The following LRRTM4 variants were observed in gnomAD, a reference collection of about 807,000 sequenced individuals.
The protein encoded by LRRTM4 is leucine-rich repeat transmembrane neuronal protein 4.
LRRTM4 carries 25 observed loss-of-function variants against 47.6 expected under a neutral mutation model. That is an observed-to-expected ratio of 0.53 (90% CI 0.38 to 0.73). LRRTM4 has a LOEUF of 0.73. Among genes scored for constraint, LRRTM4 ranks in the 30% least tolerant of loss-of-function variants. LRRTM4 has a pLI of 0.00. For missense variants in LRRTM4, 638 were observed against 713.4 expected (o/e 0.89, Z 1.20); for synonymous variants, 311 against 269.5 (o/e 1.15, Z -1.51).
intron 3 of LRRTM4, among the ~76,000 whole-genome samples, chr2:76,884,320 A>G (rs562681557): frequency 1.4e-4 from 22 of 152,322 alleles, no homozygotes; most frequent in African/African-American, 5.1e-4. Flanking sequence ...ATTAATAGAA[A>G]TGGGCAGGGA....
intron 3 of LRRTM4, among the ~76,000 whole-genome samples, chr2:77,364,956 T>C (rs1198039148): frequency 6.6e-6 from 1 of 152,052 alleles, no homozygotes; most frequent in African/African-American, 2.4e-5. Context: ...AAAACAAACA[T>C]TGATCCTACC....
chr2:76,769,301 C>T (rs1307595260), intron 3 of LRRTM4, among the ~76,000 whole-genome samples: 2 of 152,084 alleles, frequency 1.3e-5, no homozygotes, highest in East Asian at 3.9e-4. Flanking sequence ...CCACTATGTT[C>T]TTATTCCCAA....
chr2:77,103,839 T>G (rs932620689), intron 3 of LRRTM4, among the ~76,000 whole-genome samples: 4 of 151,908 alleles, frequency 2.6e-5, no homozygotes, highest in African/African-American at 9.7e-5. Context: ...TGCAGGAAAC[T>G]CAATTAACTC....
In LRRTM4 at chr2:77,292,844, TAATAATAATAAAATTAAA is replaced by T. The variant is rs568623575; in HGVS notation, c.1551+225456_1551+225473del. Reference sequence around the variant, plus strand: ...CACATGTACCCTAAAACTTAAAGTATAATAATAATAAAATTAAAAATAAAATAAAATAAAAAATAAATA... The same window carrying T: ...CACATGTACCCTAAAACTTAAAGTATAATAAAATAAAATAAAAAATAAATA... On this transcript the variant is annotated intron_variant, in intron 3 of 3. Coordinates refer to ENST00000409884, the MANE Select transcript of LRRTM4 (RefSeq NM_001134745.3). Among the ~76,000 whole-genome samples, 926 of 151,346 alleles carry T rather than the reference TAATAATAATAAAATTAAA, an allele frequency of 6.1e-3. 11 individuals carry two copies. The highest frequency in any genetic ancestry group is 0.02 in the African/African-American group (842 of 41,322).
At chr2:77,028,960 G>A (rs570212389) in intron 3 of LRRTM4, among the ~76,000 whole-genome samples, 215 of 150,662 alleles carry the variant, frequency 1.4e-3, no homozygotes, top group Middle Eastern at 3.5e-3. Flanking sequence ...GTGTGAACCC[G>A]GGAGGCGGAG....
chr2:76,843,600 CTA>C (rs1558688532), intron 3 of LRRTM4, among the ~76,000 whole-genome samples: 8 of 152,112 alleles, frequency 5.3e-5, no homozygotes, highest in East Asian at 1.9e-4. Flanking sequence ...AATAGTGTGA[CTA>C]TGTTAATAAA....
At chr2:77,078,356 T>A (rs1180242884) in intron 3 of LRRTM4, among the ~76,000 whole-genome samples, 1 of 142,866 alleles carries the variant, frequency 7.0e-6, no homozygotes, top group East Asian at 2.2e-4. Context: ...TTGAAAAAAA[T>A]ATGTTTGTCT....
intron 3 of LRRTM4, among the ~76,000 whole-genome samples, chr2:76,761,524 TG>T (rs1197483073): frequency 6.6e-6 from 1 of 152,214 alleles, no homozygotes; most frequent in Non-Finnish European, 1.5e-5. Context: ...TACCTTGCAG[TG>T]ATGGCAAAGT....
At chr2:77,345,484 AC>A (rs1671528471) in intron 3 of LRRTM4, among the ~76,000 whole-genome samples, 1 of 152,052 alleles carries the variant, frequency 6.6e-6, no homozygotes, top group Non-Finnish European at 1.5e-5. Context: ...GAAAAAATAG[AC>A]AAAATATTAG....
At chr2:77,179,770 C>T (rs373378900) in intron 3 of LRRTM4, among the ~76,000 whole-genome samples, 2 of 152,062 alleles carry the variant, frequency 1.3e-5, no homozygotes, top group African/African-American at 4.8e-5. Context: ...ACCTTACATC[C>T]AGGATGCAGG....
chr2:77,458,956 T>C (rs887704463), intron 3 of LRRTM4, among the ~76,000 whole-genome samples: 8 of 151,996 alleles, frequency 5.3e-5, no homozygotes, highest in Non-Finnish European at 1.0e-4. Context: ...TCATGCCCTT[T>C]GTTTCTTTCT....
rs552805586 is a variant in LRRTM4, at chr2:77,430,577, C to T, written c.1551+87741G>A. On this transcript the variant is annotated intron_variant, in intron 3 of 3. Transcript: ENST00000409884. ...TCTCTACTAAAAATACAAAATTAGA[C>T]GGGCGTGGTGGCACATGCCTGTAAT... Among the ~76,000 whole-genome samples the T allele has an allele frequency of 4.0e-5, 6 of 150,886 alleles. No individual in the cohort carries two copies. The South Asian group carries it at 1.0e-3, about 26-fold the overall frequency.
At chr2:77,379,044 T>C (rs1043139344) in intron 3 of LRRTM4, among the ~76,000 whole-genome samples, 1 of 152,182 alleles carries the variant, frequency 6.6e-6, no homozygotes, top group Non-Finnish European at 1.5e-5. Context: ...TTCATTATTT[T>C]GCTTTTAATC....
chr2:77,244,275 G>A (rs1675362122), intron 3 of LRRTM4, among the ~76,000 whole-genome samples: 1 of 144,082 alleles, frequency 6.9e-6, no homozygotes, highest in African/African-American at 2.6e-5. Flanking sequence ...TAGTCCTTTG[G>A]GTATATACCC....
At chr2:77,368,224 G>A (rs1244617714) in intron 3 of LRRTM4, among the ~76,000 whole-genome samples, 5 of 151,456 alleles carry the variant, frequency 3.3e-5, no homozygotes, top group Non-Finnish European at 7.4e-5. Context: ...TTTTATCAAG[G>A]AATTTGGAAA....
intron 3 of LRRTM4, among the ~76,000 whole-genome samples, chr2:77,187,340 C>T (rs991691627): frequency 6.6e-6 from 1 of 151,982 alleles, no homozygotes; most frequent in Non-Finnish European, 1.5e-5. Flanking sequence ...CAGGTTTTCT[C>T]CTGAGAACAC....
chr2:77,029,675 T>C (rs530380868), intron 3 of LRRTM4, among the ~76,000 whole-genome samples: 69 of 152,196 alleles, frequency 4.5e-4, no homozygotes, highest in African/African-American at 1.5e-3. Context: ...TTTGATAACA[T>C]AGGAAACAGA....
At chr2:76,767,504 A>G (rs1673502724) in intron 3 of LRRTM4, among the ~76,000 whole-genome samples, 1 of 152,146 alleles carries the variant, frequency 6.6e-6, no homozygotes, top group Admixed American at 6.5e-5. Context: ...GGTTCTTAAG[A>G]CTTGTGCTCA....
intron 3 of LRRTM4, among the ~76,000 whole-genome samples, chr2:77,106,681 G>A (rs934846935): frequency 2.6e-5 from 4 of 151,984 alleles, no homozygotes; most frequent in Admixed American, 2.0e-4. Context: ...AGCTTAAAAT[G>A]TTTTCTTATT....
Sources: allele counts gnomAD v4.1 joint callset (sites outside exome capture counted in the v4.1 genomes callset), GRCh38; gene constraint gnomAD v4.1.1; transcripts MANE v1.5; gene names NCBI Gene and HGNC (gene_info 2026-07-23, HGNC 2026-07-21).